Variants in VSNL1 observed in about 807,000 individuals in gnomAD.
VSNL1 encodes the protein visinin like 1.
In VSNL1, 6 loss-of-function variants were observed where a neutral mutation model predicts 20.4. The ratio of observed to expected loss-of-function variants is 0.29; its 90% CI spans 0.16 to 0.58. VSNL1 has a LOEUF of 0.58. Among genes scored for constraint, VSNL1 ranks in the 20% least tolerant of loss-of-function variants. The pLI is 0.90. For missense variants in VSNL1, 100 were observed against 234.5 expected (o/e 0.43, Z 3.75); for synonymous variants, 93 against 86.4 (o/e 1.08, Z -0.42).
At chr2:17,540,508 C>G (rs954477814), upstream of VSNL1, 2 of 152,628 alleles carry the variant, frequency 1.3e-5, no homozygotes, top group Admixed American at 6.5e-5. Flanking sequence ...GCGGAAACTC[C>G]GAGCCCCTCC....
intron 3 of VSNL1, among the ~76,000 whole-genome samples, chr2:17,653,127 C>A (rs181774423): frequency 6.6e-6 from 1 of 152,306 alleles, no homozygotes; most frequent in East Asian, 1.9e-4. Flanking sequence ...CAGTTTCACA[C>A]GGAGTTCCGA....
intron 1 of VSNL1, among the ~76,000 whole-genome samples, chr2:17,549,600 A>G (rs1276783365): frequency 6.6e-6 from 1 of 152,210 alleles, no homozygotes; most frequent in Non-Finnish European, 1.5e-5. Context: ...ATTTGGTGGT[A>G]AGAATACCTA....
At chr2:17,559,443 G>A (rs1295330363) in intron 1 of VSNL1, among the ~76,000 whole-genome samples, 1 of 149,500 alleles carries the variant, frequency 6.7e-6, no homozygotes, top group African/African-American at 2.4e-5. Context: ...TTAAATTCAT[G>A]CCTAAGGTTC....
chr2:17,541,805 A>G (rs1323834586), intron 1 of VSNL1: 2 of 152,220 alleles, frequency 1.3e-5, no homozygotes, highest in Non-Finnish European at 2.9e-5. Context: ...CCGGGTGGAA[A>G]TCAGAATGAT....
intron 2 of VSNL1, among the ~76,000 whole-genome samples, chr2:17,611,164 T>G (rs1334703067): frequency 6.6e-6 from 1 of 152,208 alleles, no homozygotes; most frequent in Non-Finnish European, 1.5e-5. Flanking sequence ...GTTCTCTGTG[T>G]TATCTGTTTA....
At chr2:17,576,606 T>C (rs2103361136) in intron 1 of VSNL1, among the ~76,000 whole-genome samples, 1 of 152,320 alleles carries the variant, frequency 6.6e-6, no homozygotes, top group African/African-American at 2.4e-5. Flanking sequence ...CCTCTTCCCA[T>C]TTATTTTTAA....
intron 2 of VSNL1, among the ~76,000 whole-genome samples, chr2:17,639,882 A>G (rs1248944078): frequency 2.6e-5 from 4 of 152,310 alleles, no homozygotes; most frequent in South Asian, 4.2e-4. Flanking sequence ...CTCTGTTCCA[A>G]TGTCCTCCCC....
chr2:17,612,091 T>C (rs7594611), intron 2 of VSNL1, among the ~76,000 whole-genome samples: 45,700 of 152,048 alleles, frequency 0.3, 8,736 homozygotes, highest in Middle Eastern at 0.57. Flanking sequence ...CTCACACACA[T>C]GCACGTGCCT....
intron 2 of VSNL1, among the ~76,000 whole-genome samples, chr2:17,619,807 T>C (rs1572202508): frequency 6.6e-6 from 1 of 151,732 alleles, no homozygotes; most frequent in Non-Finnish European, 1.5e-5. Flanking sequence ...GCATATACTA[T>C]GATCAGGAAT....
chr2:17,636,466 ACACTGTCTG>A (rs1665751057), intron 2 of VSNL1, among the ~76,000 whole-genome samples: 1 of 152,200 alleles, frequency 6.6e-6, no homozygotes, highest in Non-Finnish European at 1.5e-5. Flanking sequence ...ACGCCCTTTC[ACACTGTCTG>A]CACTGCTGAG....
intron 2 of VSNL1, among the ~76,000 whole-genome samples, chr2:17,599,646 T>G (rs1664783843): frequency 6.6e-6 from 1 of 152,184 alleles, no homozygotes; most frequent in South Asian, 2.1e-4. Flanking sequence ...TTCCCTTCCT[T>G]TCCAATTATT....
intron 2 of VSNL1, among the ~76,000 whole-genome samples, chr2:17,639,068 ATCTAG>A (rs1240352135): frequency 6.6e-6 from 1 of 152,092 alleles, no homozygotes; most frequent in Non-Finnish European, 1.5e-5. Context: ...TCCCGCAGGG[ATCTAG>A]TCTTTCTATT....
intron 2 of VSNL1, among the ~76,000 whole-genome samples, chr2:17,646,948 A>T (rs913393128): frequency 1.3e-5 from 2 of 152,116 alleles, no homozygotes; most frequent in African/African-American, 2.4e-5. Context: ...AGTTAGAAAA[A>T]CTCAAAGCAC....
In VSNL1 at chr2:17,645,323, T is replaced by C. The variant is rs548571815; in HGVS notation, c.163-4087T>C. 4.6e-5 allele frequency among the ~76,000 whole-genome samples: 7 copies of C among 152,284 alleles called. No individual in the cohort carries two copies. The East Asian group carries it at 9.7e-4, about 21-fold the overall frequency. On this transcript the variant is annotated intron_variant, in intron 2 of 3. Transcript: ENST00000295156. Reference sequence around the variant, plus strand: ...TGCCCACCCCACCCCCACCCAAAGGTTGGGCTGGAGAACTTCTTGGGGAGC... The same window carrying C: ...TGCCCACCCCACCCCCACCCAAAGGCTGGGCTGGAGAACTTCTTGGGGAGC...
At chr2:17,633,475 C>T (rs1665683329) in intron 2 of VSNL1, among the ~76,000 whole-genome samples, 1 of 150,246 alleles carries the variant, frequency 6.7e-6, no homozygotes, top group Admixed American at 6.6e-5. Context: ...GCCGAGATTA[C>T]ACCACTGCAC....
chr2:17,584,467 T>C (rs901496085), intron 1 of VSNL1, among the ~76,000 whole-genome samples: 3 of 152,154 alleles, frequency 2.0e-5, no homozygotes, highest in Admixed American at 6.5e-5. Flanking sequence ...TCAGAGCCCC[T>C]GGACATCTGG....
intron 2 of VSNL1, among the ~76,000 whole-genome samples, chr2:17,642,157 G>A (rs926672876): frequency 2.0e-5 from 3 of 152,060 alleles, no homozygotes; most frequent in African/African-American, 7.2e-5. Context: ...GCAGTAAATT[G>A]CTTCCTTTAC....
chr2:17,636,063 C>G (rs1008604254), intron 2 of VSNL1, among the ~76,000 whole-genome samples: 3 of 152,024 alleles, frequency 2.0e-5, no homozygotes, highest in Admixed American at 1.3e-4. Flanking sequence ...GTGGAAAGAG[C>G]TCTTCCCCAG....
intron 1 of VSNL1, among the ~76,000 whole-genome samples, chr2:17,561,275 T>C (rs1161040019): frequency 6.6e-6 from 1 of 152,098 alleles, no homozygotes. Context: ...CAAAGTGGCA[T>C]TTGTGTTGAC....
Sources: allele counts gnomAD v4.1 joint callset (sites outside exome capture counted in the v4.1 genomes callset), GRCh38; gene constraint gnomAD v4.1.1; transcripts MANE v1.5; gene names NCBI Gene and HGNC (gene_info 2026-07-23, HGNC 2026-07-21).